The following ME3 variants were observed in gnomAD, a reference collection of about 807,000 sequenced individuals.
ME3 encodes the protein NADP-dependent malic enzyme, mitochondrial.
In ME3, 48 loss-of-function variants were observed where a neutral mutation model predicts 68.9. The ratio of observed to expected loss-of-function variants is 0.70; its 90% CI spans 0.55 to 0.89. ME3 has a LOEUF of 0.89. Ranked by LOEUF, ME3 falls within the 40% of genes least tolerant of loss-of-function variation. ME3 has a pLI of 0.00. For synonymous variants in ME3, 320 were observed against 318.8 expected, an observed-to-expected ratio of 1.00 and a Z score of -0.04; for missense variants, 675 against 797.4, an observed-to-expected ratio of 0.85 and a Z score of 1.85.
At chr11:86,504,645 C>T (rs952644153) in intron 5 of ME3, among the ~76,000 whole-genome samples, 3 of 151,846 alleles carry the variant, frequency 2.0e-5, no homozygotes, top group Non-Finnish European at 4.4e-5. Flanking sequence ...CTGCCCACCT[C>T]GGCCTCCCGA....
intron 12 of ME3, 146 bp downstream of exon 12, chr11:86,446,919 T>G: frequency 8.8e-7 from 1 of 1,134,634 alleles, no homozygotes; most frequent in Admixed American, 2.8e-5. Flanking sequence ...CCTTATTAGC[T>G]CTTTGACCTT....
intron 2 of ME3, among the ~76,000 whole-genome samples, chr11:86,571,688 T>C (rs1272122666): frequency 6.6e-6 from 1 of 152,272 alleles, no homozygotes; most frequent in Admixed American, 6.5e-5. Flanking sequence ...AACTGCAGAC[T>C]CAGAACCCTG....
intron 4 of ME3, among the ~76,000 whole-genome samples, chr11:86,551,053 G>A (rs934857797): frequency 6.6e-6 from 1 of 152,032 alleles, no homozygotes; most frequent in African/African-American, 2.4e-5. Flanking sequence ...GCAAGAAAAT[G>A]AAGCATACCA....
chr11:86,625,772 T>C (rs946801712), intron 2 of ME3, among the ~76,000 whole-genome samples: 1 of 152,166 alleles, frequency 6.6e-6, no homozygotes, highest in Non-Finnish European at 1.5e-5. Context: ...TAGTATAGTA[T>C]TAATAGTACA....
At chr11:86,473,220 C>T (rs561211193) in intron 7 of ME3, among the ~76,000 whole-genome samples, 20 of 152,330 alleles carry the variant, frequency 1.3e-4, no homozygotes, top group African/African-American at 3.9e-4. Context: ...ACCAGAGCCA[C>T]GCAATGGGCC....
At chr11:86,598,613 G>A (rs537538634) in intron 2 of ME3, among the ~76,000 whole-genome samples, 11 of 152,142 alleles carry the variant, frequency 7.2e-5, no homozygotes, top group South Asian at 2.1e-4. Flanking sequence ...CTCCCAGCAT[G>A]CAGCTGGAGA....
intron 7 of ME3, among the ~76,000 whole-genome samples, chr11:86,469,851 T>G (rs927789081): frequency 2.9e-5 from 4 of 138,974 alleles, no homozygotes; most frequent in Admixed American, 1.4e-4. Flanking sequence ...TTTGATTTTG[T>G]TTTTTTTTTT....
chr11:86,662,373 G>A (rs984720941), intron 2 of ME3, among the ~76,000 whole-genome samples: 4 of 152,162 alleles, frequency 2.6e-5, no homozygotes, highest in Admixed American at 6.5e-5. Context: ...AGGATCACTT[G>A]AGGCCAGGAG....
At chr11:86,499,138 T>C (rs613412) in intron 5 of ME3, among the ~76,000 whole-genome samples, 117,462 of 151,912 alleles carry the variant, frequency 0.77, 45,611 homozygotes, top group Non-Finnish European at 0.8. Flanking sequence ...GGGGTATGGG[T>C]GGGGAGAAGG....
intron 2 of ME3, among the ~76,000 whole-genome samples, chr11:86,568,043 TTA>T (rs1491043682): frequency 7.4e-6 from 1 of 135,650 alleles, no homozygotes; most frequent in Non-Finnish European, 1.6e-5. Flanking sequence ...CATTGAGAAG[TTA>T]CAGTTTCCGT....
chr11:86,619,536 G>T (rs1234524248), intron 2 of ME3, among the ~76,000 whole-genome samples: 1 of 152,186 alleles, frequency 6.6e-6, no homozygotes, highest in African/African-American at 2.4e-5. Context: ...TCACAGGAGG[G>T]GTTTCCCCCA....
rs546118204 is a variant in ME3, at chr11:86,562,496, A to C, written c.184-2673T>G. On this transcript the variant is annotated intron_variant, in intron 2 of 14. Coordinates refer to ENST00000543262, the Ensembl canonical transcript of ME3. ...TTCTAAAGTGGCTGTACCATTTTGC[A>C]TCCCTGCTAGAAGTGAATGAGAATT... Among the ~76,000 whole-genome samples the C allele has an allele frequency of 2.0e-5, 3 of 152,284 alleles. No homozygotes were observed. In the East Asian group the frequency reaches 5.8e-4, roughly 29 times the overall value.
chr11:86,501,780 A>C (rs1344413125), intron 5 of ME3, among the ~76,000 whole-genome samples: 1 of 152,190 alleles, frequency 6.6e-6, no homozygotes, highest in East Asian at 1.9e-4. Context: ...ATTGGTCACC[A>C]AGTTCTGCTG....
At chr11:86,652,664 C>A (rs376271195) in intron 2 of ME3, among the ~76,000 whole-genome samples, 1 of 150,928 alleles carries the variant, frequency 6.6e-6, no homozygotes, top group Non-Finnish European at 1.5e-5. Flanking sequence ...AGACCATCCA[C>A]GCTAGGAAGA....
intron 2 of ME3, among the ~76,000 whole-genome samples, chr11:86,628,395 T>C (rs1594720319): frequency 6.6e-6 from 1 of 152,246 alleles, no homozygotes; most frequent in East Asian, 1.9e-4. Flanking sequence ...TATTTCTGTC[T>C]TTCCTAAGCA....
chr11:86,442,715 G>T, intron 14 of ME3, 106 bp downstream of exon 14: 1 of 920,104 alleles, frequency 1.1e-6, no homozygotes, highest in Non-Finnish European at 1.7e-6. Flanking sequence ...AGCTCAAGGA[G>T]ATCCAGTGTC....
At chr11:86,671,540 GA>G (rs1946942174) in intron 2 of ME3, among the ~76,000 whole-genome samples, 1 of 152,236 alleles carries the variant, frequency 6.6e-6, no homozygotes, top group South Asian at 2.1e-4. Context: ...TACTGCAGAA[GA>G]AATTAGGCTC....
At chr11:86,596,922 G>T (rs1163828107) in intron 2 of ME3, among the ~76,000 whole-genome samples, 1 of 152,204 alleles carries the variant, frequency 6.6e-6, no homozygotes, top group Admixed American at 6.5e-5. Context: ...AAGTGGACCA[G>T]GTTGTGGAGA....
chr11:86,546,779 C>G (rs1956384627), intron 4 of ME3, among the ~76,000 whole-genome samples: 1 of 152,124 alleles, frequency 6.6e-6, no homozygotes, highest in Admixed American at 6.5e-5. Context: ...AGATGTAGAA[C>G]CAGAAATACA....
Sources: allele counts gnomAD v4.1 joint callset (sites outside exome capture counted in the v4.1 genomes callset), GRCh38; gene constraint gnomAD v4.1.1; transcripts MANE v1.5; gene names NCBI Gene and HGNC (gene_info 2026-07-23, HGNC 2026-07-21).